Variants in LRGUK observed in about 807,000 individuals in gnomAD.
LRGUK encodes leucine rich repeats and guanylate kinase domain containing, also known as leucine-rich repeat and guanylate kinase domain-containing protein.
LRGUK carries 65 observed loss-of-function variants against 76.0 expected under a neutral mutation model. The ratio of observed to expected loss-of-function variants is 0.85; its 90% CI spans 0.70 to 1.05. The LOEUF (loss-of-function observed/expected upper bound fraction) is 1.05, where lower values mean the gene tolerates loss of function less well. Among genes scored for constraint, LRGUK ranks in the 50% least tolerant of loss-of-function variants. The pLI, the probability that LRGUK is intolerant of heterozygous loss-of-function variation, is 0.00. For missense variants in LRGUK, 758 were observed against 732.8 expected (o/e 1.03, Z -0.40); for synonymous variants, 268 against 265.6 (o/e 1.01, Z -0.09).
exon 7 of LRGUK, chr7:134,163,503 A>G (rs1798842071): frequency 1.2e-6 from 2 of 1,613,874 alleles, no homozygotes; most frequent in Non-Finnish European, 1.7e-6. Context: ...TTAGAGAATC[A>G]TGACCTCCTG....
chr7:134,206,405 C>T (rs554829963), intron 15 of LRGUK, among the ~76,000 whole-genome samples: 128 of 152,196 alleles, frequency 8.4e-4, no homozygotes, highest in African/African-American at 3.0e-3. Flanking sequence ...ATCCCGGCTA[C>T]TCGGGAGGCT....
chr7:134,174,612 C>G (rs200348737), exon 8 of LRGUK: 90 of 1,603,400 alleles, frequency 5.6e-5, no homozygotes, highest in Non-Finnish European at 7.0e-5. Flanking sequence ...TTCGAGTTCT[C>G]AATCTTCTAG....
At position 134,137,134 on chromosome 7, in the gene LRGUK, A is replaced by G. The variant is rs1014788103; in HGVS notation, c.405+4A>G. 6.2e-6 allele frequency: 10 copies of G among 1,600,712 alleles called. No homozygotes were observed. The highest frequency in any genetic ancestry group is 8.5e-6 in the Non-Finnish European group (10 of 1,170,844). ...CTACCTCAATCTAACTTTATCAGTG[A>G]GTATGACAAAATCTCCATTGGCTGG... is the stretch of plus-strand genomic sequence containing the variant. On this transcript the variant is annotated splice_donor_region_variant and intron_variant, in intron 2 of 15. Transcript: ENST00000645682.
Position 134,221,919 on chromosome 7 carries a change from G to A in LRGUK, c.1983+1G>A. The A allele has an allele frequency of 1.3e-6, 2 of 1,588,582 alleles. No homozygotes were observed. The highest frequency in any genetic ancestry group is 1.7e-6 in the Non-Finnish European group (2 of 1,170,374). On this transcript the variant is annotated splice_donor_variant, in intron 16 of 19. Coordinates refer to the LRGUK transcript ENST00000285928. LOFTEE classifies it high-confidence loss of function. ...ACTTTCAGCCAAAAAAACACCAGCG[G>A]TAAGAGAGGAATAGAAGGGGTGAAG... is the stretch of plus-strand genomic sequence containing the variant.
intron 19 of LRGUK, among the ~76,000 whole-genome samples, chr7:134,260,276 A>G (rs1468689388): frequency 1.3e-5 from 2 of 152,178 alleles, no homozygotes; most frequent in Admixed American, 1.3e-4. Context: ...ACAAGTAAGA[A>G]GTAAATTGCT....
intron 7 of LRGUK, among the ~76,000 whole-genome samples, chr7:134,169,534 C>CT (rs1313773003): frequency 1.3e-5 from 2 of 152,166 alleles, no homozygotes; most frequent in East Asian, 3.9e-4. Flanking sequence ...GTAATTTCTG[C>CT]TTTTTATGTT....
chr7:134,178,411 T>C, intron 9 of LRGUK, 92 bp from the exon 10 acceptor site: 1 of 862,818 alleles, frequency 1.2e-6, no homozygotes. Flanking sequence ...TGGCTGCACG[T>C]GAACAACATT....
intron 12 of LRGUK, among the ~76,000 whole-genome samples, chr7:134,193,379 A>G (rs1800341550): frequency 6.6e-6 from 1 of 152,196 alleles, no homozygotes; most frequent in Non-Finnish European, 1.5e-5. Flanking sequence ...TTATCTTGTT[A>G]GAGTATGAGG....
At position 134,258,485 on chromosome 7, in the gene LRGUK, G is replaced by T. The variant is rs113939943; in HGVS notation, c.2347+80G>T. 2.2e-6 allele frequency: 3 copies of T among 1,374,424 alleles called. No individual in the cohort carries two copies. The Admixed American group carries it at 7.0e-5, about 32-fold the overall frequency. 85.1% of individuals were successfully genotyped at this position (1,374,424 alleles called of 1,614,324 possible). A position where few individuals can be genotyped will look rare whatever the true frequency, so the allele number is the denominator to read the frequency against. On this transcript the variant is annotated intron_variant, in intron 19 of 19. Transcript: ENST00000285928. ...GGCCGAGGCGAATGGATCTCCTGAC[G>T]TCAGGAGTTCGAGACCAGCCTGGCC...
chr7:134,199,112 C>A, intron 13 of LRGUK, 108 bp from the exon 14 acceptor site: 1 of 747,502 alleles, frequency 1.3e-6, no homozygotes, highest in Non-Finnish European at 2.2e-6. Flanking sequence ...ATAAATTCTT[C>A]AATATATTAA....
intron 11 of LRGUK, among the ~76,000 whole-genome samples, chr7:134,184,184 G>T (rs1195375127): frequency 6.6e-6 from 1 of 152,064 alleles, no homozygotes; most frequent in South Asian, 2.1e-4. Context: ...CATTCTAATC[G>T]ATATGGTAAA....
chr7:134,150,479 C>A (rs113883469), intron 5 of LRGUK, among the ~76,000 whole-genome samples: 440 of 134,240 alleles, frequency 3.3e-3, no homozygotes, highest in Middle Eastern at 0.012. Flanking sequence ...AACAAGCAAA[C>A]AAAAAAAAAA....
At chr7:134,247,507 CT>C in intron 16 of LRGUK, 48 bp from the exon 17 acceptor site, 1 of 1,318,472 alleles carries the variant, frequency 7.6e-7, no homozygotes, top group Non-Finnish European at 1.1e-6. Flanking sequence ...TTTTAATCAT[CT>C]GACATTTTTA....
chr7:134,226,483 A>G (rs537523319), intron 16 of LRGUK, among the ~76,000 whole-genome samples: 1 of 152,300 alleles, frequency 6.6e-6, no homozygotes, highest in East Asian at 1.9e-4. Context: ...GTGTGTCTTA[A>G]GGAAACCAGT....
chr7:134,185,527 C>CAA (rs568408754), intron 11 of LRGUK, among the ~76,000 whole-genome samples: 4 of 120,120 alleles, frequency 3.3e-5, no homozygotes, highest in Non-Finnish European at 5.3e-5. Flanking sequence ...GACTCTGTCT[C>CAA]AAAAAAAAAA....
chr7:134,167,700 C>A (rs971990978), intron 7 of LRGUK, among the ~76,000 whole-genome samples: 1 of 152,148 alleles, frequency 6.6e-6, no homozygotes, highest in African/African-American at 2.4e-5. Flanking sequence ...GATCCTCATG[C>A]AGATCCAGCG....
At chr7:134,202,612 T>G (rs1471711408) in intron 15 of LRGUK, among the ~76,000 whole-genome samples, 1 of 152,140 alleles carries the variant, frequency 6.6e-6, no homozygotes, top group East Asian at 1.9e-4. Flanking sequence ...TTATTTGACC[T>G]TAAAAAAGGA....
At chr7:134,166,026 G>A (rs1156779210) in intron 7 of LRGUK, among the ~76,000 whole-genome samples, 1 of 151,832 alleles carries the variant, frequency 6.6e-6, no homozygotes, top group African/African-American at 2.4e-5. Context: ...GACTCCCCCT[G>A]GGCAGGTTGA....
At chr7:134,274,167 A>C in the LRGUK span, among the ~76,000 whole-genome samples, 1 of 152,224 alleles carries the variant, frequency 6.6e-6, no homozygotes, top group Admixed American at 6.5e-5. Flanking sequence ...GACTGAGGAA[A>C]TGAACTTTTC....
Sources: gnomAD v4.1 joint callset for allele counts (sites outside exome capture counted in the v4.1 genomes callset) on GRCh38, gnomAD v4.1.1 for gene constraint, MANE v1.5 for transcripts, NCBI Gene and HGNC (gene_info 2026-07-23, HGNC 2026-07-21) for gene names.